The following PTPRD variants were observed in gnomAD, a reference collection of about 807,000 sequenced individuals.
PTPRD encodes protein tyrosine phosphatase receptor type D.
PTPRD carries 34 observed loss-of-function variants against 214.5 expected under a neutral mutation model. The observed-to-expected ratio is 0.16, with a 90% CI of 0.12 to 0.21. The LOEUF (loss-of-function observed/expected upper bound fraction) is 0.21. Among genes scored for constraint, PTPRD ranks in the 10% least tolerant of loss-of-function variants. The pLI, the probability that PTPRD is intolerant of heterozygous loss-of-function variation, is 1.00. For missense variants in PTPRD, 2,545 were observed against 2,398.7 expected (o/e 1.06, Z -1.27); for synonymous variants, 1,128 against 845.7 (o/e 1.33, Z -5.79).
chr9:10,223,261 C>A (rs1254040133), intron 3 of PTPRD, among the ~76,000 whole-genome samples: 1 of 151,772 alleles, frequency 6.6e-6, no homozygotes, highest in East Asian at 1.9e-4. Context: ...TTCTTCTGTA[C>A]CTTTTACCCT....
At position 8,996,141 on chromosome 9, in the gene PTPRD, G is replaced by C. The variant is rs192187263; in HGVS notation, c.-104+22556C>G. ...TTTACCCAGGAAAGAAGAAAACTTA[G>C]GTTCTCACAAAAACCTATATTCAAA... On this transcript the variant is annotated intron_variant, in intron 11 of 45. Coordinates refer to ENST00000381196, the MANE Select transcript of PTPRD (RefSeq NM_002839.4). 5.3e-5 allele frequency among the ~76,000 whole-genome samples: 8 copies of C among 152,150 alleles called. No homozygotes were observed. In the East Asian group the frequency reaches 7.7e-4, roughly 15 times the overall value.
intron 11 of PTPRD, among the ~76,000 whole-genome samples, chr9:8,854,147 G>A (rs1450537468): frequency 6.6e-6 from 1 of 152,002 alleles, no homozygotes; most frequent in African/African-American, 2.4e-5. Flanking sequence ...GAGATTCCTA[G>A]AAACTTTTGG....
intron 39 of PTPRD, among the ~76,000 whole-genome samples, chr9:8,349,933 G>GTT (rs71317358): frequency 0.042 from 6,091 of 145,086 alleles, 413 homozygotes; most frequent in African/African-American, 0.15. Context: ...AACTTTAGTG[G>GTT]TTTTTTTTTT....
In PTPRD at chr9:8,733,914, G is replaced by A. The variant is rs1258342656; in HGVS notation, c.-71C>T. ...CTCCGGAGCCGCAGCGAGTCTGTCC[G>A]ATCTGAAATTTCAGCTGGAACACTT... On this transcript the variant is annotated 5_prime_UTR_variant, in exon 12 of 46. Coordinates refer to ENST00000381196, the MANE Select transcript of PTPRD (RefSeq NM_002839.4). The A allele has an allele frequency of 7.5e-6, 11 of 1,463,320 alleles. No homozygotes were observed. Among genetic ancestry groups the A allele is most frequent in the South Asian group, 1.2e-5 (1 of 82,032 alleles). The allele number at this position is 1,463,320 out of a possible 1,614,324, so 90.6% of individuals were successfully genotyped here.
chr9:9,474,662 T>A (rs945167071), intron 8 of PTPRD, among the ~76,000 whole-genome samples: 1 of 140,096 alleles, frequency 7.1e-6, no homozygotes, highest in Admixed American at 7.6e-5. Context: ...TTTGCTTCAT[T>A]AGTTAAATCT....
intron 11 of PTPRD, among the ~76,000 whole-genome samples, chr9:8,814,936 A>G (rs77803163): frequency 0.054 from 8,231 of 152,222 alleles, 335 homozygotes; most frequent in Non-Finnish European, 0.077. Context: ...ATCAATAGAA[A>G]GTAACTTAGA....
At chr9:9,441,312 G>T (rs1463750886) in intron 8 of PTPRD, among the ~76,000 whole-genome samples, 1 of 152,176 alleles carries the variant, frequency 6.6e-6, no homozygotes, top group East Asian at 1.9e-4. Flanking sequence ...GGGAAGAAGG[G>T]CTTCTTAGAG....
At chr9:9,445,243 C>G (rs914873745) in intron 8 of PTPRD, among the ~76,000 whole-genome samples, 1 of 152,178 alleles carries the variant, frequency 6.6e-6, no homozygotes, top group Non-Finnish European at 1.5e-5. Context: ...AATCATGCCT[C>G]TTACCTACCA....
chr9:8,916,069 T>C (rs2098783853), intron 11 of PTPRD, among the ~76,000 whole-genome samples: 1 of 152,132 alleles, frequency 6.6e-6, no homozygotes, highest in Admixed American at 6.5e-5. Context: ...AGGTTTTATA[T>C]CAAAGATCAG....
intron 4 of PTPRD, among the ~76,000 whole-genome samples, chr9:10,001,936 T>C (rs1012130979): frequency 3.3e-5 from 5 of 152,036 alleles, no homozygotes; most frequent in African/African-American, 1.2e-4. Flanking sequence ...GCTTTTATAC[T>C]CCTACCTGAC....
intron 36 of PTPRD, among the ~76,000 whole-genome samples, chr9:8,403,733 C>A (rs1342689110): frequency 2.6e-5 from 4 of 152,170 alleles, no homozygotes; most frequent in African/African-American, 7.2e-5. Context: ...AAGCAGTCCA[C>A]AAATTAGATA....
intron 8 of PTPRD, among the ~76,000 whole-genome samples, chr9:9,473,643 G>A (rs1409518654): frequency 3.9e-5 from 6 of 151,968 alleles, no homozygotes; most frequent in African/African-American, 1.4e-4. Context: ...GCATTTGTTA[G>A]CACTTCATTC....
chr9:10,009,833 G>C (rs902265020), intron 4 of PTPRD, among the ~76,000 whole-genome samples: 2 of 151,870 alleles, frequency 1.3e-5, no homozygotes, highest in Middle Eastern at 3.2e-3. Context: ...CGCTATACTA[G>C]AGTCTGCTTG....
rs1410419578 is a variant in PTPRD at position 8,359,124 on chromosome 9, AAAAAAAAAAAAAAAC to A, written c.4661+16797_4661+16811del. On this transcript the variant is annotated intron_variant, in intron 39 of 45. Transcript: ENST00000381196. ...CTCCGTCTCAAAAAAAAAAAAAAAC[AAAAAAAAAAAAAAAC>A]AAAAAAAAATTGAATCAGATTTTAG... Among the ~76,000 whole-genome samples the A allele has an allele frequency of 6.5e-4, 18 of 27,670 alleles. 2 individuals are homozygous for A. Among genetic ancestry groups the A allele is most frequent in the African/African-American group, 1.7e-3 (14 of 8,198 alleles). The allele number at this position is 27,670 out of a possible 152,430, so 18.2% of individuals were successfully genotyped here.
At chr9:9,617,855 G>A (rs1225518975) in intron 7 of PTPRD, among the ~76,000 whole-genome samples, 1 of 151,542 alleles carries the variant, frequency 6.6e-6, no homozygotes, top group African/African-American at 2.4e-5. Flanking sequence ...GGCAGATCAC[G>A]AGGTCAGGAG....
In PTPRD at chr9:8,951,487, T is replaced by C. The variant is rs113586726; in HGVS notation, c.-104+67210A>G. On this transcript the variant is annotated intron_variant, in intron 11 of 45. Coordinates refer to ENST00000381196, the MANE Select transcript of PTPRD (RefSeq NM_002839.4). ...AACTTTCTACTGAAATCTAGATTCA[T>C]GTAGCTGACAATATACTTGATTTTT... is the stretch of plus-strand genomic sequence containing the variant. Among the ~76,000 whole-genome samples, 143 of 152,170 alleles carry C rather than the reference T, an allele frequency of 9.4e-4. 1 individual carries two copies. The highest frequency in any genetic ancestry group is 2.7e-3 in the African/African-American group (114 of 41,560).
chr9:8,755,487 C>A (rs1410640214), intron 11 of PTPRD, among the ~76,000 whole-genome samples: 1 of 150,878 alleles, frequency 6.6e-6, no homozygotes, highest in African/African-American at 2.4e-5. Context: ...CCAAGACACA[C>A]CACTGCACTC....
intron 9 of PTPRD, among the ~76,000 whole-genome samples, chr9:9,191,224 G>T (rs990598588): frequency 1.6e-4 from 24 of 152,258 alleles, no homozygotes; most frequent in African/African-American, 5.5e-4. Flanking sequence ...AAGGGCCCAT[G>T]TGGCAAAAGG....
Position 9,373,205 on chromosome 9 carries a change from G to A in PTPRD, c.-203+24244C>T, listed in dbSNP as rs76722440. ...CTGGACTTTCTCAGTTCAAATACCT[G>A]TTCTACCTCTTTTTAGGTGTGTAAT... On this transcript the variant is annotated intron_variant, in intron 9 of 45. Coordinates refer to ENST00000381196, the MANE Select transcript of PTPRD (RefSeq NM_002839.4). Among the ~76,000 whole-genome samples, 876 of 152,124 alleles carry A rather than the reference G, an allele frequency of 5.8e-3. 4 individuals carry two copies. The highest frequency in any genetic ancestry group is 0.014 in the Middle Eastern group (4 of 294).
Sources: gnomAD v4.1 joint callset for allele counts (sites outside exome capture counted in the v4.1 genomes callset) on GRCh38, gnomAD v4.1.1 for gene constraint, MANE v1.5 for transcripts, NCBI Gene and HGNC (gene_info 2026-07-23, HGNC 2026-07-21) for gene names.